The following LARS1 variants were observed in gnomAD, a reference collection of about 807,000 sequenced individuals.
LARS1 encodes leucyl-tRNA synthetase 1, also known as leucine--tRNA ligase, cytoplasmic.
In LARS1, 100 loss-of-function variants were observed where a neutral mutation model predicts 162.8. That is an observed-to-expected ratio of 0.61 (90% CI 0.52 to 0.73). The LOEUF is 0.73. LARS1 is among the 30% of genes least tolerant of loss of function. The pLI is 0.00. For missense variants in LARS1, 1,258 were observed against 1,408.9 expected (o/e 0.89, Z 1.71); for synonymous variants, 457 against 462.8 (o/e 0.99, Z 0.16).
At chr5:146,182,113 G>C (rs1357457648) in intron 1 of LARS1, 1 of 201,616 alleles carries the variant, frequency 5.0e-6, no homozygotes, top group Non-Finnish European at 1.0e-5. Flanking sequence ...GCTAATTTAT[G>C]TATTTTTGGT....
intron 5 of LARS1, among the ~76,000 whole-genome samples, chr5:146,167,064 C>T (rs1373819898): frequency 1.3e-5 from 2 of 152,120 alleles, no homozygotes; most frequent in Non-Finnish European, 2.9e-5. Flanking sequence ...GAGGCATTAT[C>T]TATAATTATC....
rs142292423 is a variant in LARS1, at chr5:146,178,462, A to C, written c.7-797T>G. Among the ~76,000 whole-genome samples, 497 of 152,066 alleles carry C rather than the reference A, an allele frequency of 3.3e-3. 1 individual carries two copies. Among genetic ancestry groups the C allele is most frequent in the African/African-American group, 0.011 (464 of 41,492 alleles). ...AACCCCATCTCTACTAAAAATACAA[A>C]AATTAGCTAGGCAAGGTGGCACGCA... On this transcript the variant is annotated intron_variant, in intron 1 of 31. Coordinates refer to ENST00000394434, the MANE Select transcript of LARS1 (RefSeq NM_020117.11).
intron 2 of LARS1, among the ~76,000 whole-genome samples, chr5:146,176,069 T>C (rs1476318487): frequency 6.6e-6 from 1 of 151,682 alleles, no homozygotes. Context: ...GAAGGATTGC[T>C]TGAGCTCGGG....
intron 1 of LARS1, among the ~76,000 whole-genome samples, chr5:146,181,848 C>CTT (rs34658033): frequency 0.01 from 546 of 53,034 alleles, 128 homozygotes; most frequent in South Asian, 0.016. Flanking sequence ...TCAATTTTTT[C>CTT]TTTTTTTTTT....
intron 10 of LARS1, among the ~76,000 whole-genome samples, chr5:146,154,540 T>C (rs1459129806): frequency 6.6e-6 from 1 of 152,192 alleles, no homozygotes; most frequent in African/African-American, 2.4e-5. Flanking sequence ...CACTTTGGGA[T>C]GCTGAGGCAG....
At chr5:146,168,313 A>G in intron 4 of LARS1, 48 bp from the exon 5 acceptor site, 16 of 1,555,884 alleles carry the variant, frequency 1.0e-5, no homozygotes, top group Non-Finnish European at 1.3e-5. Flanking sequence ...AGGTAGACAC[A>G]ATTTCAGTTT....
At chr5:146,142,837 C>T (rs1342910904) in intron 20 of LARS1, 35 bp downstream of exon 20, 2 of 1,519,364 alleles carry the variant, frequency 1.3e-6, no homozygotes, top group Admixed American at 1.7e-5. Flanking sequence ...TATTGACAAT[C>T]AATAAATCTA....
At chr5:146,182,229 C>T in intron 1 of LARS1, 1 of 530,972 alleles carries the variant, frequency 1.9e-6, no homozygotes, top group East Asian at 3.2e-5. Flanking sequence ...CCGTGGGCCA[C>T]CGTGCCCGGC....
chr5:146,128,635 A>C, intron 27 of LARS1, 37 bp downstream of exon 27: 1 of 1,390,318 alleles, frequency 7.2e-7, no homozygotes, highest in Non-Finnish European at 9.8e-7. Flanking sequence ...GGAGCATACA[A>C]CACCATCAGG....
At chr5:146,162,700 AAT>A (rs1377215124) in intron 6 of LARS1, among the ~76,000 whole-genome samples, 19 of 152,224 alleles carry the variant, frequency 1.2e-4, no homozygotes, top group African/African-American at 4.6e-4. Context: ...ACAGCATCTT[AAT>A]CACTAGAGGA....
chr5:146,135,906 C>T (rs913694043), intron 21 of LARS1, among the ~76,000 whole-genome samples: 1 of 152,356 alleles, frequency 6.6e-6, no homozygotes, highest in East Asian at 1.9e-4. Flanking sequence ...CAGACTCACA[C>T]TCAGTCCACT....
intron 2 of LARS1, among the ~76,000 whole-genome samples, chr5:146,176,950 CTTCT>C (rs903594646): frequency 6.6e-6 from 1 of 152,068 alleles, no homozygotes. Context: ...TCAAAACATC[CTTCT>C]TTGTCTAAAT....
At chr5:146,120,241 T>A in intron 31 of LARS1, 130 bp downstream of exon 31, 4 of 987,612 alleles carry the variant, frequency 4.1e-6, no homozygotes, top group Non-Finnish European at 6.2e-6. Context: ...TTGATTCTGA[T>A]CCCAGTACTT....
intron 1 of LARS1, chr5:146,179,676 C>G: frequency 2.3e-6 from 1 of 442,606 alleles, no homozygotes. Flanking sequence ...ACCAGCTCAC[C>G]GCAGCCTTGA....
intron 4 of LARS1, among the ~76,000 whole-genome samples, chr5:146,170,469 CAAA>C (rs34201197): frequency 7.6e-6 from 1 of 130,922 alleles, no homozygotes; most frequent in Admixed American, 7.6e-5. Context: ...GATTCCGTCT[CAAA>C]AAAAAAAAAG....
chr5:146,147,545 C>A (rs533767212), intron 15 of LARS1, among the ~76,000 whole-genome samples: 2 of 152,032 alleles, frequency 1.3e-5, no homozygotes, highest in South Asian at 2.1e-4. Context: ...ATTTTCCATA[C>A]GATTCTTTAA....
rs13161075 is a variant in LARS1, at chr5:146,144,838, G to T, written c.1504-129C>A. The T allele has an allele frequency of 5.2e-5, 39 of 751,280 alleles. No individual in the cohort carries two copies. In the African/African-American group the frequency reaches 6.5e-4, roughly 12 times the overall value. 46.5% of individuals were successfully genotyped at this position (751,280 alleles called of 1,614,324 possible). On this transcript the variant is annotated intron_variant, in intron 15 of 31. Coordinates refer to ENST00000394434, the MANE Select transcript of LARS1 (RefSeq NM_020117.11). The stretch of plus-strand genomic sequence containing the variant: ...AAAGCCCACATTTTCATTATGTCTT[G>T]CCCGCCTTCCCAGGGTCAGTCATCT...
chr5:146,160,026 G>A (rs1048455472), intron 7 of LARS1, among the ~76,000 whole-genome samples: 3 of 151,718 alleles, frequency 2.0e-5, no homozygotes, highest in African/African-American at 7.3e-5. Context: ...TTAAGACACT[G>A]GTAAGGAAAA....
intron 15 of LARS1, among the ~76,000 whole-genome samples, chr5:146,145,048 G>C (rs1159618066): frequency 6.6e-6 from 1 of 151,984 alleles, no homozygotes; most frequent in Non-Finnish European, 1.5e-5. Context: ...GGCTTCCTAT[G>C]ACAGTTTTTT....
Sources: gnomAD v4.1 joint callset for allele counts (sites outside exome capture counted in the v4.1 genomes callset) on GRCh38, gnomAD v4.1.1 for gene constraint, MANE v1.5 for transcripts, NCBI Gene and HGNC (gene_info 2026-07-23, HGNC 2026-07-21) for gene names.